Variants in RARS2 observed in about 807,000 individuals in gnomAD.
The protein encoded by RARS2 is arginyl-tRNA synthetase 2, mitochondrial.
Under a neutral mutation model 88.5 loss-of-function variants are expected in RARS2, and 67 were observed. That is an observed-to-expected ratio of 0.76 (90% CI 0.62 to 0.93). The LOEUF (loss-of-function observed/expected upper bound fraction) is 0.93. Among genes scored for constraint, RARS2 ranks in the 40% least tolerant of loss-of-function variants. The probability of loss-of-function intolerance (pLI) is 0.00; values close to 1 mark genes in which losing one functional copy is unlikely to be tolerated. For synonymous variants in RARS2, 239 were observed against 230.3 expected (o/e 1.04, Z -0.34); for missense variants, 664 against 684.2 (o/e 0.97, Z 0.33).
chr6:87,536,108 A>G (rs1032134738), intron 8 of RARS2, among the ~76,000 whole-genome samples: 3 of 152,206 alleles, frequency 2.0e-5, no homozygotes, highest in Non-Finnish European at 4.4e-5. Context: ...TACAAAAGCC[A>G]TATTAATAGG....
At chr6:87,532,307 C>T (rs991792545) in intron 8 of RARS2, among the ~76,000 whole-genome samples, 1 of 152,130 alleles carries the variant, frequency 6.6e-6, no homozygotes, top group African/African-American at 2.4e-5. Flanking sequence ...TGGCTGGCAT[C>T]TATTAACTTA....
intron 13 of RARS2, 65 bp downstream of exon 13, chr6:87,520,115 C>T (rs1773345523): frequency 1.5e-6 from 2 of 1,324,614 alleles, no homozygotes; most frequent in Non-Finnish European, 2.2e-6. Context: ...AAAACTTTAA[C>T]CACTAGGTAC....
At chr6:87,517,365 T>C (rs1308933316) in intron 17 of RARS2, among the ~76,000 whole-genome samples, 1 of 152,206 alleles carries the variant, frequency 6.6e-6, no homozygotes, top group Non-Finnish European at 1.5e-5. Context: ...AATTCTTTGA[T>C]GGCAGGGACT....
chr6:87,580,687 G>C (rs1027415916), intron 1 of RARS2, among the ~76,000 whole-genome samples: 2 of 151,822 alleles, frequency 1.3e-5, no homozygotes, highest in Non-Finnish European at 2.9e-5. Flanking sequence ...TCTTGAACTG[G>C]ACTCAAGCAA....
chr6:87,582,271 G>T (rs36145892), intron 1 of RARS2, among the ~76,000 whole-genome samples: 1 of 152,086 alleles, frequency 6.6e-6, no homozygotes, highest in Non-Finnish European at 1.5e-5. Context: ...AGCATCTGTT[G>T]TTTCTTGATT....
intron 7 of RARS2, 96 bp from the exon 8 acceptor site, chr6:87,542,090 G>T: frequency 1.1e-6 from 1 of 889,444 alleles, no homozygotes; most frequent in Non-Finnish European, 1.8e-6. Flanking sequence ...AGACCAACCT[G>T]TCATATTATG....
intron 1 of RARS2, among the ~76,000 whole-genome samples, chr6:87,572,819 T>C (rs546043131): frequency 2.0e-4 from 30 of 152,274 alleles, no homozygotes; most frequent in African/African-American, 6.7e-4. Context: ...TATAAATTTA[T>C]ACCAGAAAAC....
At chr6:87,547,996 C>G (rs186518749) in intron 6 of RARS2, among the ~76,000 whole-genome samples, 2 of 152,124 alleles carry the variant, frequency 1.3e-5, no homozygotes. Context: ...GCTCACATGA[C>G]CGAGGTGAAT....
At chr6:87,535,441 A>G (rs1778816472) in intron 8 of RARS2, among the ~76,000 whole-genome samples, 1 of 152,112 alleles carries the variant, frequency 6.6e-6, no homozygotes. Flanking sequence ...TGTCCTATTT[A>G]AAAAAATTTT....
chr6:87,514,546 T>A, intron 19 of RARS2, 47 bp from the exon 20 acceptor site: 1 of 1,438,274 alleles, frequency 7.0e-7, no homozygotes, highest in South Asian at 1.1e-5. Context: ...GTAACAGGAA[T>A]GTATTCAATA....
chr6:87,582,837 G>A (rs186839360), intron 1 of RARS2, among the ~76,000 whole-genome samples: 66 of 152,266 alleles, frequency 4.3e-4, no homozygotes, highest in Admixed American at 2.4e-3. Context: ...CAAGAAAGCC[G>A]GTCTTCCTGC....
chr6:87,545,781 A>AG lies in RARS2; in HGVS notation c.452-83_452-82insC, dbSNP rs11405796. Reference sequence around the variant, plus strand: ...GAACCATGTACTTCTCTATTATCAAACATAAGTAGAAAATTCTTTTCACTA... The same window carrying AG: ...GAACCATGTACTTCTCTATTATCAAAGCATAAGTAGAAAATTCTTTTCACTA... On this transcript the variant is annotated intron_variant, in intron 6 of 19. Coordinates refer to ENST00000369536, the MANE Select transcript of RARS2 (RefSeq NM_020320.5). The AG allele has an allele frequency of 0.046, 68,394 of 1,472,440 alleles. 1,963 individuals carry two copies. Among genetic ancestry groups the AG allele is most frequent in the African/African-American group, 0.12 (8,310 of 70,632 alleles). 91.2% of individuals were successfully genotyped at this position (1,472,440 alleles called of 1,614,324 possible).
At chr6:87,565,637 C>CA (rs1293159505) in intron 2 of RARS2, among the ~76,000 whole-genome samples, 1 of 152,154 alleles carries the variant, frequency 6.6e-6, no homozygotes, top group Non-Finnish European at 1.5e-5. Flanking sequence ...TGACAGTACT[C>CA]ATTACATCAT....
chr6:87,517,374 C>T (rs546156697), intron 17 of RARS2, among the ~76,000 whole-genome samples: 2 of 152,294 alleles, frequency 1.3e-5, no homozygotes, highest in South Asian at 4.1e-4. Context: ...ATGGCAGGGA[C>T]TTTCTAAATC....
intron 1 of RARS2, among the ~76,000 whole-genome samples, chr6:87,571,495 C>T (rs551567970): frequency 6.6e-6 from 1 of 152,058 alleles, no homozygotes; most frequent in Non-Finnish European, 1.5e-5. Context: ...AACAGCATAG[C>T]CAGTATAAAT....
intron 4 of RARS2, among the ~76,000 whole-genome samples, chr6:87,557,457 T>C (rs1025297470): frequency 2.6e-5 from 4 of 152,230 alleles, no homozygotes; most frequent in African/African-American, 9.7e-5. Context: ...CTCCTTTTTA[T>C]GTAATGAATG....
chr6:87,588,312 ATAACT>A (rs1327234251), intron 1 of RARS2, among the ~76,000 whole-genome samples: 16 of 152,184 alleles, frequency 1.1e-4, no homozygotes, highest in South Asian at 8.3e-4. Context: ...TTCTGCCCAA[ATAACT>A]TAATCATTCA....
chr6:87,527,370 T>C (rs1271063214), intron 10 of RARS2, among the ~76,000 whole-genome samples: 1 of 152,106 alleles, frequency 6.6e-6, no homozygotes, highest in Non-Finnish European at 1.5e-5. Flanking sequence ...TGCATATCCA[T>C]ATGCAGAAGA....
At chr6:87,520,072 G>A in intron 13 of RARS2, 108 bp downstream of exon 13, 1 of 949,578 alleles carries the variant, frequency 1.1e-6, no homozygotes, top group Non-Finnish European at 1.7e-6. Flanking sequence ...TTCCACACCA[G>A]TATCTTGAAA....
Sources: allele counts gnomAD v4.1 joint callset (sites outside exome capture counted in the v4.1 genomes callset), GRCh38; gene constraint gnomAD v4.1.1; transcripts MANE v1.5; gene names NCBI Gene and HGNC (gene_info 2026-07-23, HGNC 2026-07-21).